Variants in DIP2C observed in about 807,000 individuals in gnomAD.
The protein encoded by DIP2C is disco-interacting protein 2 homolog C.
In DIP2C, 33 loss-of-function variants were observed where a neutral mutation model predicts 192.4. That is an observed-to-expected ratio of 0.17 (90% CI 0.13 to 0.23). DIP2C has a LOEUF of 0.23. DIP2C is among the 10% of genes least tolerant of loss of function. DIP2C has a pLI of 1.00. For synonymous variants in DIP2C, 979 were observed against 864.1 expected (o/e 1.13, Z -2.33); for missense variants, 1,537 against 2,110.1 (o/e 0.73, Z 5.32).
chr10:492,230 G>A (rs145023480), intron 1 of DIP2C, among the ~76,000 whole-genome samples: 249 of 152,290 alleles, frequency 1.6e-3, no homozygotes, highest in East Asian at 2.3e-3. Context: ...GAATGCAAAC[G>A]TGGTGAGCCT....
At chr10:436,439 G>T (rs948148444) in intron 4 of DIP2C, among the ~76,000 whole-genome samples, 2 of 152,162 alleles carry the variant, frequency 1.3e-5, no homozygotes, top group East Asian at 1.9e-4. Context: ...CACCCACTCC[G>T]ATCTCCGCCT....
intron 32 of DIP2C, among the ~76,000 whole-genome samples, chr10:290,182 T>C (rs1369108519): frequency 6.6e-6 from 1 of 152,184 alleles, no homozygotes; most frequent in Non-Finnish European, 1.5e-5. Flanking sequence ...TGACAACCAT[T>C]AACTCTGTGG....
intron 14 of DIP2C, among the ~76,000 whole-genome samples, chr10:386,849 G>T (rs904353701): frequency 7.2e-5 from 11 of 152,170 alleles, no homozygotes; most frequent in Admixed American, 2.6e-4. Context: ...TGAAACAGAT[G>T]GGGGGAGCGT....
At chr10:609,147 C>T (rs1183505569) in intron 1 of DIP2C, among the ~76,000 whole-genome samples, 1 of 151,904 alleles carries the variant, frequency 6.6e-6, no homozygotes, top group African/African-American at 2.4e-5. Flanking sequence ...CTAAAACCAC[C>T]AAGACAAACA....
intron 1 of DIP2C, among the ~76,000 whole-genome samples, chr10:680,222 CAGA>C (rs920020282): frequency 2.6e-5 from 4 of 152,278 alleles, no homozygotes; most frequent in Admixed American, 2.0e-4. Context: ...TCAAGCAGCA[CAGA>C]AGAAGGTCAC....
intron 1 of DIP2C, among the ~76,000 whole-genome samples, chr10:640,126 T>A (rs1253936539): frequency 6.6e-6 from 1 of 152,192 alleles, no homozygotes; most frequent in Non-Finnish European, 1.5e-5. Flanking sequence ...TGTGGGCCTG[T>A]GCCTGTCCCT....
intron 1 of DIP2C, among the ~76,000 whole-genome samples, chr10:552,121 G>A (rs367799999): frequency 6.6e-6 from 1 of 152,240 alleles, no homozygotes; most frequent in South Asian, 2.1e-4. Flanking sequence ...GACACACTCT[G>A]TTGTAACTGA....
chr10:572,186 G>A (rs984335569), intron 1 of DIP2C, among the ~76,000 whole-genome samples: 5 of 152,182 alleles, frequency 3.3e-5, no homozygotes, highest in Admixed American at 1.3e-4. Context: ...GGCTCCACAC[G>A]CCAGTGTTCT....
chr10:445,147 T>G (rs1265144846), intron 3 of DIP2C, among the ~76,000 whole-genome samples: 1 of 152,254 alleles, frequency 6.6e-6, no homozygotes, highest in African/African-American at 2.4e-5. Flanking sequence ...AAATGACCCC[T>G]GGTGAGCGCC....
chr10:287,022 C>T (rs1023329348), intron 33 of DIP2C, among the ~76,000 whole-genome samples: 10 of 151,742 alleles, frequency 6.6e-5, no homozygotes, highest in South Asian at 6.3e-4. Flanking sequence ...TCATCTCCAC[C>T]GAATTTTCAA....
intron 32 of DIP2C, among the ~76,000 whole-genome samples, chr10:309,162 G>T (rs1213280219): frequency 6.6e-6 from 1 of 152,222 alleles, no homozygotes; most frequent in Non-Finnish European, 1.5e-5. Flanking sequence ...CAGTAAAAAT[G>T]ACGCCTTCTT....
At chr10:685,164 AT>A (rs1831282249) in intron 1 of DIP2C, among the ~76,000 whole-genome samples, 11 of 19,116 alleles carry the variant, frequency 5.8e-4, no homozygotes, top group African/African-American at 1.2e-3. Context: ...AAAAAAAAAT[AT>A]ATATATATAT....
At chr10:544,932 G>C (rs1006106004) in intron 1 of DIP2C, among the ~76,000 whole-genome samples, 1 of 151,902 alleles carries the variant, frequency 6.6e-6, no homozygotes, top group African/African-American at 2.4e-5. Flanking sequence ...TTCCCCTTCA[G>C]TTGCTTGTTA....
intron 14 of DIP2C, among the ~76,000 whole-genome samples, chr10:386,225 T>C (rs1322590423): frequency 1.3e-5 from 2 of 152,184 alleles, no homozygotes; most frequent in Non-Finnish European, 2.9e-5. Context: ...GCGTCAAACG[T>C]GTAGGTGGAG....
At chr10:340,332 G>A (rs1158739003) in intron 29 of DIP2C, among the ~76,000 whole-genome samples, 1 of 151,800 alleles carries the variant, frequency 6.6e-6, no homozygotes, top group Non-Finnish European at 1.5e-5. Flanking sequence ...TTATGTTTGT[G>A]TTAGCTTTAA....
At chr10:546,444 C>T (rs539329016) in intron 1 of DIP2C, among the ~76,000 whole-genome samples, 1 of 152,308 alleles carries the variant, frequency 6.6e-6, no homozygotes, top group African/African-American at 2.4e-5. Context: ...CCTCGGACAG[C>T]AGGGTTCTCA....
chr10:426,359 CTAAA>C (rs1311895566), intron 4 of DIP2C, among the ~76,000 whole-genome samples: 4 of 152,112 alleles, frequency 2.6e-5, no homozygotes, highest in Admixed American at 6.5e-5. Flanking sequence ...TAAATGGAAA[CTAAA>C]TAAATGGAGA....
intron 33 of DIP2C, among the ~76,000 whole-genome samples, chr10:287,180 C>G (rs2132172407): frequency 6.6e-6 from 1 of 152,158 alleles, no homozygotes; most frequent in Non-Finnish European, 1.5e-5. Flanking sequence ...TTACTGTAGC[C>G]TTAAGCAACC....
In DIP2C at chr10:578,636, G is replaced by A. The variant is rs150708862; in HGVS notation, c.86-92106C>T. On this transcript the variant is annotated intron_variant, in intron 1 of 36. Coordinates refer to ENST00000280886, the MANE Select transcript of DIP2C (RefSeq NM_014974.3). ...ATCCTATACTCTCCGGTGCTAACGA[G>A]ATGGTGTGTTCCGGGATCCCTGCAG... Among the ~76,000 whole-genome samples the A allele has an allele frequency of 3.9e-3, 594 of 152,308 alleles. 8 individuals carry two copies. The highest frequency in any genetic ancestry group is 0.014 in the African/African-American group (565 of 41,558).
Sources: gnomAD v4.1 joint callset for allele counts (sites outside exome capture counted in the v4.1 genomes callset) on GRCh38, gnomAD v4.1.1 for gene constraint, MANE v1.5 for transcripts, NCBI Gene and HGNC (gene_info 2026-07-23, HGNC 2026-07-21) for gene names.